Variants in COQ8A observed in about 807,000 individuals in gnomAD.
COQ8A encodes the protein coenzyme Q8A, also known as atypical kinase COQ8A, mitochondrial.
A neutral mutation model predicts 65.0 loss-of-function variants in COQ8A; 51 were observed. The ratio of observed to expected loss-of-function variants is 0.78; its 90% confidence interval spans 0.63 to 0.99. The LOEUF (loss-of-function observed/expected upper bound fraction) is 0.99. Among genes scored for constraint, COQ8A ranks in the 50% least tolerant of loss-of-function variants. The pLI, the probability that COQ8A is intolerant of heterozygous loss-of-function variation, is 0.00. For synonymous variants in COQ8A, 371 were observed against 353.2 expected, an observed-to-expected ratio of 1.05 and a Z score of -0.57; for missense variants, 940 against 875.0, an observed-to-expected ratio of 1.07 and a Z score of -0.94.
At chr1:226,957,652 G>A (rs1306301831) in intron 1 of COQ8A, among the ~76,000 whole-genome samples, 1 of 152,124 alleles carries the variant, frequency 6.6e-6, no homozygotes, top group Non-Finnish European at 1.5e-5. Flanking sequence ...GGTCCTGAGT[G>A]GACAGTGTGT....
intron 4 of COQ8A, among the ~76,000 whole-genome samples, chr1:226,970,360 C>T (rs759053167): frequency 2.0e-5 from 3 of 152,242 alleles, no homozygotes; most frequent in Non-Finnish European, 4.4e-5. Flanking sequence ...ATGGTATAGC[C>T]TGCTACATGC....
rs2148131420 is a variant in COQ8A at position 226,983,850 on chromosome 1, T to C, written c.1252T>C (p.Phe418Leu). The change falls in exon 10 of 15, where the codon TTC becomes CTC. Residue 418 changes from phenylalanine to leucine, a missense_variant. Physicochemically the swap from Phe to Leu is conservative, Grantham distance 22. Coordinates refer to ENST00000366777, the MANE Select transcript of COQ8A (RefSeq NM_020247.5). Reference sequence around the variant, plus strand: ...GCGAGAGGCCGCCTGTGCCCGCAAGTTCAGGTGTGGCCCCCGGCCGGGCCC... The same window carrying C: ...GCGAGAGGCCGCCTGTGCCCGCAAGCTCAGGTGTGGCCCCCGGCCGGGCCC... ...YQREAACARKFRDLLKGHPFF... is the reference protein window; with the variant it reads ...YQREAACARKLRDLLKGHPFF... 6.2e-7 allele frequency: 1 copy of C among 1,609,710 alleles called. No homozygotes were observed. Among genetic ancestry groups the C allele is most frequent in the Non-Finnish European group, 8.5e-7 (1 of 1,179,634 alleles).
At chr1:226,948,088 GT>G (rs1657154114) in intron 1 of COQ8A, among the ~76,000 whole-genome samples, 1 of 152,174 alleles carries the variant, frequency 6.6e-6, no homozygotes, top group Non-Finnish European at 1.5e-5. Context: ...CACAAAGTTT[GT>G]GGCTCAAAGC....
intron 6 of COQ8A, 46 bp downstream of exon 6, chr1:226,982,195 G>A (rs1283393422): frequency 1.3e-6 from 2 of 1,540,528 alleles, no homozygotes; most frequent in African/African-American, 1.4e-5. Context: ...GTGGGCTGCT[G>A]GGGGGGTCAA....
Position 226,965,570 on chromosome 1 carries a change from G to C in COQ8A, c.589-101G>C, listed in dbSNP as rs1658512990. The C allele has an allele frequency of 2.0e-6, 3 of 1,521,438 alleles. No homozygotes were observed. In the Admixed American group the frequency reaches 5.2e-5, roughly 26 times the overall value. 94.2% of individuals were successfully genotyped at this position (1,521,438 alleles called of 1,614,324 possible). A position where few individuals can be genotyped will look rare whatever the true frequency, so the allele number is the denominator to read the frequency against. On this transcript the variant is annotated intron_variant, in intron 3 of 14. Coordinates refer to ENST00000366777, the MANE Select transcript of COQ8A (RefSeq NM_020247.5). ...GAGTGTGCTGTCAGGCGGAGCTGCT[G>C]ACTGTGGGGTGGAGAGGAGATGTGG...
At position 226,986,838 on chromosome 1, in the gene COQ8A, G is replaced by A; in HGVS notation, c.*101G>A. On this transcript the variant is annotated 3_prime_UTR_variant, in exon 15 of 15. Coordinates refer to ENST00000366777, the MANE Select transcript of COQ8A (RefSeq NM_020247.5). ...TGGTGATGCTCTTTTTAACTCCTTT[G>A]CCCAATAAGGGGGGTGGCTGCCTGG... 1 of 1,442,332 alleles carries A rather than the reference G, an allele frequency of 6.9e-7. No individual in the cohort carries two copies. Among genetic ancestry groups the A allele is most frequent in the Non-Finnish European group, 9.4e-7 (1 of 1,064,668 alleles). 89.3% of individuals were successfully genotyped at this position (1,442,332 alleles called of 1,614,324 possible).
chr1:226,975,959 C>T (rs1019808282), intron 4 of COQ8A, among the ~76,000 whole-genome samples: 1 of 152,210 alleles, frequency 6.6e-6, no homozygotes, highest in African/African-American at 2.4e-5. Flanking sequence ...AATTTGGAAA[C>T]ATGCAAGCAG....
intron 1 of COQ8A, among the ~76,000 whole-genome samples, chr1:226,943,944 C>T (rs905613663): frequency 6.6e-6 from 1 of 152,082 alleles, no homozygotes; most frequent in East Asian, 1.9e-4. Context: ...TCCTGCCTGG[C>T]CTGAGTGTGG....
rs566547246 is a variant in COQ8A, at chr1:226,950,750, G to A, written c.-10+10351G>A. On this transcript the variant is annotated intron_variant, in intron 1 of 14. Coordinates refer to ENST00000366777, the MANE Select transcript of COQ8A (RefSeq NM_020247.5). ...TCATGGGGGAGAATGTCAGTGCCTA[G>A]TTGCTTGCTTTTTTTTTTAAGAAAA... Among the ~76,000 whole-genome samples the A allele has an allele frequency of 3.6e-5, 3 of 82,316 alleles. No homozygotes were observed. The South Asian group carries it at 1.5e-3, about 40-fold the overall frequency. 54.0% of individuals were successfully genotyped at this position (82,316 alleles called of 152,430 possible).
intron 5 of COQ8A, among the ~76,000 whole-genome samples, chr1:226,979,429 G>C (rs1316345752): frequency 6.6e-6 from 1 of 152,190 alleles, no homozygotes; most frequent in South Asian, 2.1e-4. Flanking sequence ...CTGTTAGTGG[G>C]GCCTGGGGTG....
At chr1:226,955,124 C>T (rs1260648859) in intron 1 of COQ8A, among the ~76,000 whole-genome samples, 1 of 152,036 alleles carries the variant, frequency 6.6e-6, no homozygotes, top group African/African-American at 2.4e-5. Context: ...ATATCAGATG[C>T]TTGAGGGCAA....
intron 2 of COQ8A, among the ~76,000 whole-genome samples, chr1:226,963,665 C>T (rs1010858398): frequency 2.6e-5 from 4 of 152,306 alleles, no homozygotes; most frequent in South Asian, 4.1e-4. Flanking sequence ...AGTGCAGTGG[C>T]GCAATCTCTG....
Position 226,981,829 on chromosome 1 carries a change from C to A in COQ8A, c.731-198C>A, listed in dbSNP as rs554486729. Among the ~76,000 whole-genome samples the A allele has an allele frequency of 2.0e-5, 3 of 152,280 alleles. No homozygotes were observed. The South Asian group carries it at 6.2e-4, about 32-fold the overall frequency. On this transcript the variant is annotated intron_variant, in intron 5 of 14. Coordinates refer to ENST00000366777, the MANE Select transcript of COQ8A (RefSeq NM_020247.5). ...GTGCATGCCTGTGTGTATTGGGAGG[C>A]GCTGGCGTAGGGCCTGGGCATGTGG...
intron 1 of COQ8A, among the ~76,000 whole-genome samples, chr1:226,943,277 G>A (rs1656812899): frequency 6.6e-6 from 1 of 152,234 alleles, no homozygotes; most frequent in East Asian, 1.9e-4. Flanking sequence ...TGCAAAATTA[G>A]ACAGGAATAT....
At chr1:226,948,502 G>C (rs1319862823) in intron 1 of COQ8A, among the ~76,000 whole-genome samples, 2 of 152,176 alleles carry the variant, frequency 1.3e-5, no homozygotes, top group African/African-American at 4.8e-5. Context: ...CCATTATTCA[G>C]CCTACCACAG....
At chr1:226,978,630 C>T (rs546438400) in intron 5 of COQ8A, among the ~76,000 whole-genome samples, 1 of 94,558 alleles carries the variant, frequency 1.1e-5, no homozygotes, top group African/African-American at 2.9e-5. Context: ...TTACACTCCA[C>T]ACACCCGCCC....
intron 1 of COQ8A, among the ~76,000 whole-genome samples, chr1:226,960,743 T>C (rs1450778340): frequency 1.3e-5 from 2 of 151,936 alleles, no homozygotes; most frequent in African/African-American, 4.8e-5. Context: ...TTGAAAACAT[T>C]GGTTTGGTGA....
At chr1:226,968,528 T>C (rs935348024) in intron 4 of COQ8A, among the ~76,000 whole-genome samples, 1 of 152,208 alleles carries the variant, frequency 6.6e-6, no homozygotes, top group Non-Finnish European at 1.5e-5. Context: ...GTAGTTGCAC[T>C]GTTGCGCTTT....
chr1:226,977,965 C>G (rs1039655012), intron 5 of COQ8A, among the ~76,000 whole-genome samples: 3 of 151,120 alleles, frequency 2.0e-5, no homozygotes, highest in African/African-American at 7.3e-5. Flanking sequence ...TTACATACCC[C>G]TTGCACACCC....
Sources: gnomAD v4.1 joint callset for allele counts (sites outside exome capture counted in the v4.1 genomes callset) on GRCh38, gnomAD v4.1.1 for gene constraint, MANE v1.5 for transcripts, NCBI Gene and HGNC (gene_info 2026-07-23, HGNC 2026-07-21) for gene names.